Variants in DCLK1 observed in about 807,000 individuals in gnomAD.
DCLK1 encodes doublecortin like kinase 1.
DCLK1 carries 16 observed loss-of-function variants against 86.2 expected under a neutral mutation model. The ratio of observed to expected loss-of-function variants is 0.19; its 90% CI spans 0.13 to 0.28. The LOEUF (loss-of-function observed/expected upper bound fraction) is 0.28. DCLK1 is among the 10% of genes least tolerant of loss of function. The probability of loss-of-function intolerance (pLI) is 1.00; values close to 1 mark genes in which losing one functional copy is unlikely to be tolerated. For synonymous variants in DCLK1, 369 were observed against 370.5 expected (o/e 1.00, Z 0.05); for missense variants, 590 against 940.2 (o/e 0.63, Z 4.87).
intron 3 of DCLK1, among the ~76,000 whole-genome samples, chr13:36,001,211 G>T (rs1460289421): frequency 6.6e-6 from 1 of 152,184 alleles, no homozygotes; most frequent in Non-Finnish European, 1.5e-5. Context: ...GCCTCCCAAA[G>T]TGCTGGGATT....
chr13:35,774,779 G>A lies in DCLK1; in HGVS notation c.2059-80C>T, dbSNP rs1026255771. ...ACAAACTCTTTCTAGAACTTTCTGA[G>A]GTCAGAAAAAATACACTGGCCAAGT... On this transcript the variant is annotated intron_variant, in intron 16 of 16. Transcript: ENST00000360631. The A allele has an allele frequency of 4.4e-5, 65 of 1,478,110 alleles. No individual in the cohort carries two copies. In the Admixed American group the frequency reaches 1.4e-3, roughly 31 times the overall value. The allele number at this position is 1,478,110 out of a possible 1,614,324, so 91.6% of individuals were successfully genotyped here.
At chr13:35,850,980 G>GA (rs1308064561) in intron 6 of DCLK1, among the ~76,000 whole-genome samples, 1 of 152,212 alleles carries the variant, frequency 6.6e-6, no homozygotes, top group East Asian at 1.9e-4. Context: ...TTATTGGCAA[G>GA]AAAATGCCTC....
chr13:35,991,161 C>T (rs1880201601), intron 3 of DCLK1, among the ~76,000 whole-genome samples: 1 of 152,046 alleles, frequency 6.6e-6, no homozygotes, highest in Non-Finnish European at 1.5e-5. Context: ...CCTCTCTTTA[C>T]CTAAAGAAAA....
intron 3 of DCLK1, among the ~76,000 whole-genome samples, chr13:36,045,362 A>C (rs1280723743): frequency 3.7e-5 from 5 of 133,798 alleles, no homozygotes; most frequent in Admixed American, 1.6e-4. Context: ...ATATATATAT[A>C]TATATATATA....
chr13:35,938,536 G>A (rs1456322142), intron 4 of DCLK1, among the ~76,000 whole-genome samples: 1 of 152,088 alleles, frequency 6.6e-6, no homozygotes, highest in Non-Finnish European at 1.5e-5. Context: ...GGCTGAGGCA[G>A]GAGAATCACT....
rs190269641 is a variant in DCLK1 at position 36,037,862 on chromosome 13, A to C, written c.723+74007T>G. Among the ~76,000 whole-genome samples, 8 of 152,306 alleles carry C rather than the reference A, an allele frequency of 5.3e-5. No homozygotes were observed. The East Asian group carries it at 1.5e-3, about 29-fold the overall frequency. ...GTGATAATGTATCAATTAAAAAAAG[A>C]AAATTTAAAAAATAGAAAGAAAATC... On this transcript the variant is annotated intron_variant, in intron 3 of 16. Coordinates refer to ENST00000360631, the MANE Select transcript of DCLK1 (RefSeq NM_001330071.2).
At chr13:36,077,532 C>T (rs948347914) in intron 3 of DCLK1, among the ~76,000 whole-genome samples, 3 of 151,988 alleles carry the variant, frequency 2.0e-5, no homozygotes, top group African/African-American at 7.3e-5. Flanking sequence ...CTCAGGCAGC[C>T]AGAAGTCTAT....
At chr13:35,995,297 G>A (rs1404477730) in intron 3 of DCLK1, among the ~76,000 whole-genome samples, 3 of 152,150 alleles carry the variant, frequency 2.0e-5, no homozygotes, top group Non-Finnish European at 1.5e-5. Context: ...TGGAGGAAAT[G>A]ACTTAACATT....
At position 35,810,537 on chromosome 13, in the gene DCLK1, G is replaced by A. The variant is rs182926629; in HGVS notation, c.1688+298C>T. Among the ~76,000 whole-genome samples, 1,092 of 152,260 alleles carry A rather than the reference G, an allele frequency of 7.2e-3. 9 individuals carry two copies. Among genetic ancestry groups the A allele is most frequent in the Non-Finnish European group, 0.011 (745 of 68,020 alleles). On this transcript the variant is annotated intron_variant, in intron 12 of 16. Transcript: ENST00000360631. Reference sequence around the variant, plus strand: ...CTCCAAATGAGAGTTAATTACCATCGCTGTGTGTTTCTGTTAGTCTGAACA... The same window carrying A: ...CTCCAAATGAGAGTTAATTACCATCACTGTGTGTTTCTGTTAGTCTGAACA...
intron 3 of DCLK1, among the ~76,000 whole-genome samples, chr13:35,966,691 A>C (rs1273122117): frequency 6.6e-6 from 1 of 151,994 alleles, no homozygotes; most frequent in African/African-American, 2.4e-5. Context: ...TTTTTGGTGG[A>C]GACGGGGTTT....
chr13:36,000,731 A>G (rs1199596933), intron 3 of DCLK1, among the ~76,000 whole-genome samples: 1 of 152,140 alleles, frequency 6.6e-6, no homozygotes, highest in Non-Finnish European at 1.5e-5. Flanking sequence ...TTTACAAGAA[A>G]ACAAAAGCAA....
chr13:35,849,646 T>C (rs1220260495), intron 6 of DCLK1: 3 of 982,810 alleles, frequency 3.1e-6, no homozygotes, highest in African/African-American at 1.7e-5. Flanking sequence ...AATTAGTAGG[T>C]TAATGTTTAA....
At chr13:35,964,119 CTT>C (rs750756449) in intron 3 of DCLK1, among the ~76,000 whole-genome samples, 2 of 152,150 alleles carry the variant, frequency 1.3e-5, no homozygotes, top group African/African-American at 2.4e-5. Flanking sequence ...ATAAAATCCT[CTT>C]GTATCAAATT....
intron 4 of DCLK1, among the ~76,000 whole-genome samples, chr13:35,935,939 C>T (rs952748770): frequency 6.6e-6 from 1 of 152,060 alleles, no homozygotes; most frequent in East Asian, 1.9e-4. Flanking sequence ...CACTGTCTAC[C>T]AGAACCATCA....
intron 3 of DCLK1, among the ~76,000 whole-genome samples, chr13:35,959,815 C>T (rs1878354062): frequency 6.6e-6 from 1 of 151,462 alleles, no homozygotes; most frequent in Admixed American, 6.6e-5. Context: ...CCCACCACTC[C>T]TAGAAATTAG....
intron 3 of DCLK1, among the ~76,000 whole-genome samples, chr13:36,052,563 T>C (rs984521624): frequency 2.0e-5 from 3 of 152,130 alleles, no homozygotes; most frequent in Non-Finnish European, 4.4e-5. Flanking sequence ...AATAGGTAGT[T>C]AAATAAGACA....
intron 3 of DCLK1, among the ~76,000 whole-genome samples, chr13:36,008,751 G>T (rs999387478): frequency 1.3e-5 from 2 of 151,234 alleles, no homozygotes; most frequent in Non-Finnish European, 3.0e-5. Context: ...TAATGGGATG[G>T]CTGGGTCAAA....
chr13:36,037,700 T>A (rs1882557637), intron 3 of DCLK1, among the ~76,000 whole-genome samples: 2 of 152,184 alleles, frequency 1.3e-5, no homozygotes, highest in Middle Eastern at 3.4e-3. Flanking sequence ...GCCAGGCTGG[T>A]CTCAAACTCC....
intron 6 of DCLK1, chr13:35,850,887 C>G (rs1170307469): frequency 1.2e-6 from 1 of 863,170 alleles, no homozygotes; most frequent in Non-Finnish European, 1.6e-6. Context: ...ATTATTAGAC[C>G]TTTTCAAGTC....
Sources: allele counts gnomAD v4.1 joint callset (sites outside exome capture counted in the v4.1 genomes callset), GRCh38; gene constraint gnomAD v4.1.1; transcripts MANE v1.5; gene names NCBI Gene and HGNC (gene_info 2026-07-23, HGNC 2026-07-21).